The following SUPV3L1 variants were observed in gnomAD, a reference collection of about 807,000 sequenced individuals.
The protein encoded by SUPV3L1 is Suv3 like RNA helicase.
Under a neutral mutation model 70.0 loss-of-function variants are expected in SUPV3L1, and 35 were observed. The ratio of observed to expected loss-of-function variants is 0.50; its 90% CI spans 0.38 to 0.66. SUPV3L1 has a LOEUF of 0.66. Ranked by LOEUF, SUPV3L1 falls within the 30% of genes least tolerant of loss-of-function variation. SUPV3L1 has a pLI of 0.00. For synonymous variants in SUPV3L1, 364 were observed against 341.9 expected, an observed-to-expected ratio of 1.06 and a Z score of -0.71; for missense variants, 777 against 961.5, an observed-to-expected ratio of 0.81 and a Z score of 2.54.
chr10:69,196,331 A>C (rs1187094514), intron 7 of SUPV3L1, among the ~76,000 whole-genome samples: 17 of 152,244 alleles, frequency 1.1e-4, no homozygotes. Context: ...GTCTCTACTA[A>C]AAATATAAAA....
chr10:69,206,210 C>G (rs558714929), intron 13 of SUPV3L1, among the ~76,000 whole-genome samples: 9 of 152,320 alleles, frequency 5.9e-5, no homozygotes, highest in Non-Finnish European at 1.0e-4. Flanking sequence ...GGTCACATTT[C>G]TACCCTTTAT....
intron 14 of SUPV3L1, 61 bp from the exon 15 acceptor site, chr10:69,208,539 A>G (rs1274812783): frequency 2.0e-6 from 3 of 1,505,816 alleles, no homozygotes; most frequent in Non-Finnish European, 2.7e-6. Flanking sequence ...TGTGCCATTG[A>G]GAGTTGTCCA....
chr10:69,185,738 G>A (rs1842204973), intron 1 of SUPV3L1, among the ~76,000 whole-genome samples: 3 of 152,000 alleles, frequency 2.0e-5, no homozygotes, highest in Admixed American at 2.0e-4. Flanking sequence ...CTGACCTCGT[G>A]ATCCGCCCAC....
At chr10:69,191,277 C>T (rs1368529897) in intron 5 of SUPV3L1, among the ~76,000 whole-genome samples, 1 of 140,514 alleles carries the variant, frequency 7.1e-6, no homozygotes, top group East Asian at 2.1e-4. Context: ...TGTCTCCAGG[C>T]TGGAGTGCAG....
At chr10:69,205,012 C>T (rs1319867291) in intron 13 of SUPV3L1, among the ~76,000 whole-genome samples, 6 of 152,146 alleles carry the variant, frequency 3.9e-5, no homozygotes, top group Non-Finnish European at 8.8e-5. Flanking sequence ...CTCAAGCAGT[C>T]CACCTGCCTC....
At chr10:69,200,199 T>C (rs1842649050) in intron 10 of SUPV3L1, 81 bp from the exon 11 acceptor site, 1 of 1,159,368 alleles carries the variant, frequency 8.6e-7, no homozygotes, top group Non-Finnish European at 1.2e-6. Context: ...TAAGCTAGTA[T>C]TGGAGTGAGC....
chr10:69,182,401 A>G (rs775788730), intron 1 of SUPV3L1: 40 of 512,224 alleles, frequency 7.8e-5, no homozygotes, highest in Admixed American at 6.4e-5. Context: ...CTCAAACAAT[A>G]GTTTACCCAT....
At chr10:69,195,647 C>T (rs1842523038) in intron 7 of SUPV3L1, among the ~76,000 whole-genome samples, 1 of 152,174 alleles carries the variant, frequency 6.6e-6, no homozygotes, top group Non-Finnish European at 1.5e-5. Flanking sequence ...AATATGATCG[C>T]ATATCTCTAT....
At position 69,208,823 on chromosome 10, in the gene SUPV3L1, G is replaced by A. The variant is rs2132314043; in HGVS notation, c.2149G>A (p.Gly717Arg). 6.2e-7 allele frequency: 1 copy of A among 1,614,158 alleles called. No homozygotes were observed. The highest frequency in any genetic ancestry group is 8.5e-7 in the Non-Finnish European group (1 of 1,180,018). Residue 717 changes from glycine (G) to arginine (R), a missense_variant, in exon 15 of 15, where the codon GGG becomes AGG. Transcript: ENST00000359655. ...AAGGACACGCGGCACCAAAGCTCTA[G>A]GGAGTAAAGCTACTGAGCCACCCAG... ...ARRTRGTKALGSKATEPPSPD... is the reference protein window; with the variant it reads ...ARRTRGTKALRSKATEPPSPD...
chr10:69,200,148 T>C lies in SUPV3L1; in HGVS notation c.1299-132T>C. 5.7e-6 allele frequency: 4 copies of C among 701,096 alleles called. No individual in the cohort carries two copies. The South Asian group carries it at 5.8e-5, about 10-fold the overall frequency. 43.4% of individuals were successfully genotyped at this position (701,096 alleles called of 1,614,324 possible). A position where few individuals can be genotyped will look rare whatever the true frequency, so the allele number is the denominator to read the frequency against. ...GGGTGTGAGCCACTGTGCCAGACTT[T>C]CCTTAATTTTGTAAGTGGCAGTCAA... On this transcript the variant is annotated intron_variant, in intron 10 of 14. Coordinates refer to ENST00000359655, the MANE Select transcript of SUPV3L1 (RefSeq NM_003171.5).
At chr10:69,206,961 C>T (rs1368500776) in intron 13 of SUPV3L1, among the ~76,000 whole-genome samples, 1 of 152,066 alleles carries the variant, frequency 6.6e-6, no homozygotes, top group Non-Finnish European at 1.5e-5. Flanking sequence ...GAGCCAAGAT[C>T]GTGCCATTGC....
chr10:69,186,591 C>G, intron 3 of SUPV3L1, 41 bp downstream of exon 3: 3 of 1,477,440 alleles, frequency 2.0e-6, no homozygotes, highest in Non-Finnish European at 2.8e-6. Flanking sequence ...TTGAACATAC[C>G]TTCTATTTCT....
intron 6 of SUPV3L1, 57 bp downstream of exon 6, chr10:69,191,823 T>C (rs1014753120): frequency 9.2e-5 from 120 of 1,302,998 alleles, no homozygotes; most frequent in Non-Finnish European, 1.1e-4. Context: ...TTTTTTTTTT[T>C]CAAGACAGAG....
chr10:69,195,291 C>T, intron 7 of SUPV3L1, 26 bp downstream of exon 7: 1 of 1,569,636 alleles, frequency 6.4e-7, no homozygotes, highest in Non-Finnish European at 8.7e-7. Context: ...GCTATAAAAC[C>T]CGTGCTTTAT....
Position 69,207,805 on chromosome 10 carries a change from T to C in SUPV3L1, c.1789T>C (p.Tyr597His). 5 of 1,613,968 alleles carry C rather than the reference T, an allele frequency of 3.1e-6. No homozygotes were observed. The highest frequency in any genetic ancestry group is 4.2e-6 in the Non-Finnish European group (5 of 1,179,918). Residue 597 changes from tyrosine to histidine, a missense_variant, in exon 14 of 15, where the codon TAT (tyrosine) becomes CAT (histidine). Around this residue, in one of 2 missense-constraint regions of SUPV3L1, gnomAD observed 619 missense variants for 823.3 expected, o/e 0.75. Coordinates refer to ENST00000359655, the MANE Select transcript of SUPV3L1 (RefSeq NM_003171.5). ...CSSLLQFARQ[Y>H]SRNEPLTFAW... ...CTTTCTCTCTCAGTTTGCCAGGCAG[T>C]ATAGCAGGAATGAGCCCCTGACCTT...
At chr10:69,200,217 A>G (rs926319830) in intron 10 of SUPV3L1, 63 bp from the exon 11 acceptor site, 9 of 1,379,764 alleles carry the variant, frequency 6.5e-6, no homozygotes, top group East Asian at 2.3e-5. Context: ...AGCATTATGC[A>G]ATGACCCAAG....
chr10:69,200,235 G>A (rs1219111091), intron 10 of SUPV3L1, 45 bp from the exon 11 acceptor site: 1 of 1,527,358 alleles, frequency 6.5e-7, no homozygotes, highest in Non-Finnish European at 9.0e-7. Context: ...AAGTATTGGA[G>A]GGTTTTTCAT....
chr10:69,189,120 G>C (rs1190336879), intron 4 of SUPV3L1, 147 bp from the exon 5 acceptor site: 15 of 777,006 alleles, frequency 1.9e-5, no homozygotes, highest in Non-Finnish European at 2.4e-5. Context: ...TTTTAATGTG[G>C]ATATGAAACC....
intron 3 of SUPV3L1, 63 bp from the exon 4 acceptor site, chr10:69,187,579 C>A: frequency 8.2e-7 from 1 of 1,220,890 alleles, no homozygotes; most frequent in South Asian, 1.4e-5. Context: ...AAAAAGATTT[C>A]ACTAAATTTA....
Sources: gnomAD v4.1 joint callset for allele counts (sites outside exome capture counted in the v4.1 genomes callset) on GRCh38, gnomAD v4.1.1 for gene constraint, gnomAD v4.1.1 regional missense constraint, MANE v1.5 for transcripts, NCBI Gene and HGNC (gene_info 2026-07-23, HGNC 2026-07-21) for gene names.